Variants in TRADD observed in about 807,000 individuals in gnomAD.
The protein encoded by TRADD is tumor necrosis factor receptor type 1-associated DEATH domain protein.
Under a neutral mutation model 31.5 loss-of-function variants are expected in TRADD, and 14 were observed. That is an observed-to-expected ratio of 0.44 (90% confidence interval 0.29 to 0.69). The LOEUF is 0.69. TRADD is among the 30% of genes least tolerant of loss of function. TRADD has a pLI of 0.11. For missense variants in TRADD, 388 were observed against 435.7 expected (o/e 0.89, Z 0.97); for synonymous variants, 220 against 215.8 (o/e 1.02, Z -0.17).
Position 67,156,273 on chromosome 16 carries a change from G to C in TRADD, c.151+237C>G. On this transcript the variant is annotated intron_variant, in intron 2 of 4. Coordinates refer to ENST00000345057, the MANE Select transcript of TRADD (RefSeq NM_003789.4). This position sits in a 1 kb window ranked among gnomAD's most constrained non-coding sequence, Gnocchi z 4.6. The stretch of plus-strand genomic sequence containing the variant: ...AGGAGTGAGCCGGCTGGTGGAGGGG[G>C]GCGGGGATGGAGCAAAGGACGTTAG... 8.1e-7 allele frequency: 1 copy of C among 1,235,682 alleles called. No homozygotes were observed. The highest frequency in any genetic ancestry group is 1.5e-5 in the African/African-American group (1 of 66,728). The allele number at this position is 1,235,682 out of a possible 1,614,324, so 76.5% of individuals were successfully genotyped here. A position where few individuals can be genotyped will look rare whatever the true frequency, so the allele number is the denominator to read the frequency against.
At position 67,159,519 on chromosome 16, in the gene TRADD, C is replaced by T. The variant is rs568321889; in HGVS notation, c.-9+319G>A. Among the ~76,000 whole-genome samples the T allele has an allele frequency of 6.6e-6, 1 of 152,200 alleles. No homozygotes were observed. On this transcript the variant is annotated intron_variant, in intron 1 of 4. Transcript: ENST00000345057. This position sits in a 1 kb window ranked among gnomAD's most constrained non-coding sequence, Gnocchi z 6.8. ...CTAGCCCACCCTCAAGCTGGGGTTT[C>T]GCACGTGCGATCGGCTGGGGTGGGC...
At position 67,156,363 on chromosome 16, in the gene TRADD, A is replaced by G; in HGVS notation, c.151+147T>C. The G allele has an allele frequency of 7.6e-7, 1 of 1,316,470 alleles. No homozygotes were observed. Among genetic ancestry groups the G allele is most frequent in the South Asian group, 1.3e-5 (1 of 78,434 alleles). 81.5% of individuals were successfully genotyped at this position (1,316,470 alleles called of 1,614,324 possible). On this transcript the variant is annotated intron_variant, in intron 2 of 4. Coordinates refer to ENST00000345057, the MANE Select transcript of TRADD (RefSeq NM_003789.4). This position sits in a 1 kb window ranked among gnomAD's most constrained non-coding sequence, Gnocchi z 4.6. The stretch of plus-strand genomic sequence containing the variant: ...CGCCTATCCTCAAGGTCATGCCACA[A>G]GCAAAGAAGAGAGTCTGCACAGCCA...
In TRADD at chr16:67,156,328, C is replaced by T. The variant is rs879871035; in HGVS notation, c.151+182G>A. ...CAAATTGGTAAATCATACACAGACTCGAGAACACACGCCTATCCTCAAGGT... is the reference window on the plus strand; with the variant it reads ...CAAATTGGTAAATCATACACAGACTTGAGAACACACGCCTATCCTCAAGGT... On this transcript the variant is annotated intron_variant, in intron 2 of 4. Coordinates refer to ENST00000345057, the MANE Select transcript of TRADD (RefSeq NM_003789.4). This position sits in a 1 kb window ranked among gnomAD's most constrained non-coding sequence, Gnocchi z 4.6. 62 of 1,153,218 alleles carry T rather than the reference C, an allele frequency of 5.4e-5. No individual in the cohort carries two copies. Among genetic ancestry groups the T allele is most frequent in the Non-Finnish European group, 7.5e-5 (61 of 815,356 alleles). The allele number at this position is 1,153,218 out of a possible 1,614,324, so 71.4% of individuals were successfully genotyped here. A position where few individuals can be genotyped will look rare whatever the true frequency, so the allele number is the denominator to read the frequency against.
rs1320618753 is a variant in TRADD, at chr16:67,156,910, C to T, written c.-8-242G>A. On this transcript the variant is annotated intron_variant, in intron 1 of 4. Transcript: ENST00000345057. This position sits in a 1 kb window ranked among gnomAD's most constrained non-coding sequence, Gnocchi z 4.6. ...CCCAGGCTTGCAGTGAGGACTGTCC[C>T]TCCACTGCCTTCTTGGAGAAAGAGC... Among the ~76,000 whole-genome samples, 1 of 152,196 alleles carries T rather than the reference C, an allele frequency of 6.6e-6. No individual in the cohort carries two copies. Among genetic ancestry groups the T allele is most frequent in the African/African-American group, 2.4e-5 (1 of 41,434 alleles).
At chr16:67,157,907 A>T (rs540991204) in intron 1 of TRADD, among the ~76,000 whole-genome samples, 1 of 151,380 alleles carries the variant, frequency 6.6e-6, no homozygotes, top group South Asian at 2.1e-4. Context: ...TCCCCACCTC[A>T]CCCTTTTCCT....
chr16:67,159,203 G>A lies in TRADD; in HGVS notation c.-9+635C>T, dbSNP rs1273009143. Among the ~76,000 whole-genome samples, 1 of 152,228 alleles carries A rather than the reference G, an allele frequency of 6.6e-6. No individual in the cohort carries two copies. Among genetic ancestry groups the A allele is most frequent in the East Asian group, 1.9e-4 (1 of 5,198 alleles). ...CACCAGGAGTCGTCCCTTTTTGGGC[G>A]GGGCTGAGGCTTCCAGGCTGGGTCC... On this transcript the variant is annotated intron_variant, in intron 1 of 4. Transcript: ENST00000345057. The surrounding 1 kb of genome is among the most constrained non-coding windows in gnomAD (Gnocchi z 6.8).
In TRADD at chr16:67,156,220, AG is replaced by A; in HGVS notation, c.151+289del. On this transcript the variant is annotated intron_variant, in intron 2 of 4. Transcript: ENST00000345057. The surrounding 1 kb of genome is among the most constrained non-coding windows in gnomAD (Gnocchi z 4.6). ...GAGTGCTGCAGTAAGAGAGGAAAAGAGGAGAGAGACATCCACAATTAGTAGA... is the reference window on the plus strand; with the variant it reads ...GAGTGCTGCAGTAAGAGAGGAAAAGAGAGAGAGACATCCACAATTAGTAGA... 1 of 1,452,588 alleles carries A rather than the reference AG, an allele frequency of 6.9e-7. No homozygotes were observed. Among genetic ancestry groups the A allele is most frequent in the Non-Finnish European group, 9.2e-7 (1 of 1,092,740 alleles). The allele number at this position is 1,452,588 out of a possible 1,614,324, so 90.0% of individuals were successfully genotyped here. A position where few individuals can be genotyped will look rare whatever the true frequency, so the allele number is the denominator to read the frequency against.
chr16:67,155,158 T>C lies in TRADD; in HGVS notation c.566A>G (p.Glu189Gly). 7 of 1,554,116 alleles carry C rather than the reference T, an allele frequency of 4.5e-6. No homozygotes were observed. The highest frequency in any genetic ancestry group is 6.1e-6 in the Non-Finnish European group (7 of 1,153,016). Residue 189 changes from glutamate to glycine, a missense_variant, in exon 4 of 5, where the codon GAG becomes GGG. Coordinates refer to ENST00000345057, the MANE Select transcript of TRADD (RefSeq NM_003789.4). ...PLQPPVPSLS[E>G]VKPPPPPPPA... The stretch of plus-strand genomic sequence containing the variant: ...TGGCGGCGGCGGCGGCGGCTTCACC[T>C]CCGACAGAGAGGGCACCGGGGGCTG...
rs566828080 is a variant in TRADD at position 67,154,273 on chromosome 16, T to C, written c.*376A>G. On this transcript the variant is annotated 3_prime_UTR_variant, in exon 5 of 5. Coordinates refer to ENST00000345057, the MANE Select transcript of TRADD (RefSeq NM_003789.4). This position sits in a 1 kb window ranked among gnomAD's most constrained non-coding sequence, Gnocchi z 5.2. ...GAGTGTGAGCTGGGGGCAGGCAAGA[T>C]TGATTCCTGTTTTACTTCACTGCAG... 1.1e-5 allele frequency: 4 copies of C among 350,738 alleles called. No homozygotes were observed. In the Admixed American group the frequency reaches 1.3e-4, roughly 12 times the overall value. The allele number at this position is 350,738 out of a possible 1,614,324, so 21.7% of individuals were successfully genotyped here.
At position 67,156,070 on chromosome 16, in the gene TRADD, G is replaced by A. The variant is rs537421358; in HGVS notation, c.152-416C>T. On this transcript the variant is annotated intron_variant, in intron 2 of 4. Coordinates refer to ENST00000345057, the MANE Select transcript of TRADD (RefSeq NM_003789.4). This position sits in a 1 kb window ranked among gnomAD's most constrained non-coding sequence, Gnocchi z 4.6. Reference sequence around the variant, plus strand: ...CGACTCCCACTGCTCGGGAAGAAGAGGGGCTCTCGCCGCTCTGAGGCCACG... The same window carrying A: ...CGACTCCCACTGCTCGGGAAGAAGAAGGGCTCTCGCCGCTCTGAGGCCACG... The A allele has an allele frequency of 1.9e-3, 2,582 of 1,352,402 alleles. 64 individuals are homozygous for A. The South Asian group carries it at 0.03, about 16-fold the overall frequency. 83.8% of individuals were successfully genotyped at this position (1,352,402 alleles called of 1,614,324 possible).
In TRADD at chr16:67,154,434, A is replaced by G. The variant is rs573267862; in HGVS notation, c.*215T>C. ...CTGATCTCCAAAGCAGGTCCCCCCC[A>G]CCCCACACTCTATCAAAGTACCTGA... is the stretch of plus-strand genomic sequence containing the variant. On this transcript the variant is annotated 3_prime_UTR_variant, in exon 5 of 5. Coordinates refer to ENST00000345057, the MANE Select transcript of TRADD (RefSeq NM_003789.4). This position sits in a 1 kb window ranked among gnomAD's most constrained non-coding sequence, Gnocchi z 5.2. The G allele has an allele frequency of 8.1e-6, 5 of 613,820 alleles. No individual in the cohort carries two copies. In the South Asian group the frequency reaches 9.7e-5, roughly 12 times the overall value. 38.0% of individuals were successfully genotyped at this position (613,820 alleles called of 1,614,324 possible).
chr16:67,156,708 T>C lies in TRADD; in HGVS notation c.-8-40A>G. On this transcript the variant is annotated intron_variant, in intron 1 of 4. Coordinates refer to ENST00000345057, the MANE Select transcript of TRADD (RefSeq NM_003789.4). The surrounding 1 kb of genome is among the most constrained non-coding windows in gnomAD (Gnocchi z 4.6). ...AGTCAGGTATCCAGTTCATCCCCCCTCCCTCCACCCTGGAGACAACTACCC... is the reference window on the plus strand; with the variant it reads ...AGTCAGGTATCCAGTTCATCCCCCCCCCCTCCACCCTGGAGACAACTACCC... 6.2e-7 allele frequency: 1 copy of C among 1,610,122 alleles called. No homozygotes were observed. The highest frequency in any genetic ancestry group is 8.5e-7 in the Non-Finnish European group (1 of 1,179,862).
chr16:67,158,994 A>G (rs2030801975), intron 1 of TRADD, among the ~76,000 whole-genome samples: 2 of 152,104 alleles, frequency 1.3e-5, no homozygotes, highest in Non-Finnish European at 2.9e-5. Context: ...GAGTACTGGG[A>G]ACCTGGAGAC....
chr16:67,155,150 G>C lies in TRADD; in HGVS notation c.574C>G (p.Pro192Ala). 16 of 1,550,292 alleles carry C rather than the reference G, an allele frequency of 1.0e-5. No individual in the cohort carries two copies. Among genetic ancestry groups the C allele is most frequent in the Non-Finnish European group, 1.3e-5 (15 of 1,151,318 alleles). Residue 192 changes from proline to alanine, a missense_variant, in exon 4 of 5, where the codon CCG becomes GCG. Physicochemically the swap from Pro to Ala is conservative, Grantham distance 27. Transcript: ENST00000345057. ...TGGGCAGGTGGCGGCGGCGGCGGCG[G>C]CTTCACCTCCGACAGAGAGGGCACC... is the stretch of plus-strand genomic sequence containing the variant. ...PPVPSLSEVK[P>A]PPPPPPAQTF...
chr16:67,154,605 C>A lies in TRADD; in HGVS notation c.*44G>T. 1 of 1,596,266 alleles carries A rather than the reference C, an allele frequency of 6.3e-7. No homozygotes were observed. The highest frequency in any genetic ancestry group is 8.5e-7 in the Non-Finnish European group (1 of 1,173,178). On this transcript the variant is annotated 3_prime_UTR_variant, in exon 5 of 5. Coordinates refer to ENST00000345057, the MANE Select transcript of TRADD (RefSeq NM_003789.4). This position sits in a 1 kb window ranked among gnomAD's most constrained non-coding sequence, Gnocchi z 5.2. ...GTTCAGCAATAGCCGCAGAAGGAAC[C>A]CTAAGGCCATCCAGGTTCTCCAAAA...
At position 67,156,576 on chromosome 16, in the gene TRADD, A is replaced by G. The variant is rs943704865; in HGVS notation, c.85T>C (p.Ser29Pro). ...VESSLDKVVL[S>P]DAYAHPQQKV... ...TGCTGGGGGTGCGCGTAGGCATCCG[A>G]CAGGACCACCTTGTCCAGCGAGGAC... Residue 29 changes from serine (S) to proline (P), a missense_variant, in exon 2 of 5, where the codon TCG (serine) becomes CCG (proline). Ser to Pro is a moderately conservative substitution (Grantham distance 74). Transcript: ENST00000345057. The surrounding 1 kb of genome is among the most constrained non-coding windows in gnomAD (Gnocchi z 4.6). The G allele has an allele frequency of 1.2e-6, 2 of 1,613,888 alleles. No homozygotes were observed. The highest frequency in any genetic ancestry group is 2.7e-5 in the African/African-American group (2 of 74,886).
chr16:67,154,816 GCTCGTA>G lies in TRADD; in HGVS notation c.766_771del (p.Tyr256_Glu257del), dbSNP rs1383052689. The G allele has an allele frequency of 6.3e-7, 1 of 1,592,512 alleles. No individual in the cohort carries two copies. The highest frequency in any genetic ancestry group is 1.1e-5 in the South Asian group (1 of 88,472). ...AAGGCCTGCTCGTACAGTCCCTCGC[GCTCGTA>G]CTCGTAGGCCAGCGAGTCCAGCGCC... On this transcript the variant is annotated inframe_deletion, in exon 5 of 5. Coordinates refer to ENST00000345057, the MANE Select transcript of TRADD (RefSeq NM_003789.4). The surrounding 1 kb of genome is among the most constrained non-coding windows in gnomAD (Gnocchi z 5.2).
chr16:67,155,010 T>TTGCCCC, intron 4 of TRADD, 51 bp from the exon 5 acceptor site: 2 of 1,499,672 alleles, frequency 1.3e-6, no homozygotes, highest in Admixed American at 1.9e-5. Flanking sequence ...CCAGCGCCGG[T>TTGCCCC]CCCACCCATC....
At position 67,156,164 on chromosome 16, in the gene TRADD, G is replaced by A; in HGVS notation, c.151+346C>T. ...TGAGATGGGAAAGGGGGGCCTGGAA[G>A]GGTAGGTACTGGGGAGGGGTCTTGA... On this transcript the variant is annotated intron_variant, in intron 2 of 4. Coordinates refer to ENST00000345057, the MANE Select transcript of TRADD (RefSeq NM_003789.4). This position sits in a 1 kb window ranked among gnomAD's most constrained non-coding sequence, Gnocchi z 4.6. 7.2e-7 allele frequency: 1 copy of A among 1,382,844 alleles called. No homozygotes were observed. Among genetic ancestry groups the A allele is most frequent in the South Asian group, 1.2e-5 (1 of 81,904 alleles). 85.7% of individuals were successfully genotyped at this position (1,382,844 alleles called of 1,614,324 possible). A position where few individuals can be genotyped will look rare whatever the true frequency, so the allele number is the denominator to read the frequency against.
Sources: allele counts gnomAD v4.1 joint callset (sites outside exome capture counted in the v4.1 genomes callset), GRCh38; gene constraint gnomAD v4.1.1; non-coding constraint Gnocchi (gnomAD v3.1); transcripts MANE v1.5; gene names NCBI Gene and HGNC (gene_info 2026-07-23, HGNC 2026-07-21).